KAZN: variants seen among roughly 807,000 people sequenced by gnomAD.
KAZN encodes kazrin, periplakin interacting protein.
In KAZN, 40 loss-of-function variants were observed where a neutral mutation model predicts 87.4. The observed-to-expected ratio is 0.46, with a 90% confidence interval of 0.36 to 0.60. The LOEUF is 0.60. KAZN is among the 20% of genes least tolerant of loss of function. The pLI is 0.00. For missense variants in KAZN, 898 were observed against 1,073.9 expected (o/e 0.84, Z 2.29); for synonymous variants, 466 against 458.3 (o/e 1.02, Z -0.22).
rs568493558 is a variant in KAZN, at chr1:14,978,990, C to T, written c.418+18115C>T. ...CGCAATCTCGGCTCACTGCAATCTC[C>T]ATCTCCCGGGTTCAAGAGATTCTCC... is the stretch of plus-strand genomic sequence containing the variant. On this transcript the variant is annotated intron_variant, in intron 2 of 14. Coordinates refer to ENST00000376030, the MANE Select transcript of KAZN (RefSeq NM_201628.3). Among the ~76,000 whole-genome samples, 534 of 152,056 alleles carry T rather than the reference C, an allele frequency of 3.5e-3. 4 individuals are homozygous for T. The highest frequency in any genetic ancestry group is 5.0e-3 in the Non-Finnish European group (339 of 67,982).
chr1:14,191,750 A>G (rs769699115), intron 2 of KAZN, among the ~76,000 whole-genome samples: 6 of 152,286 alleles, frequency 3.9e-5, no homozygotes, highest in East Asian at 3.9e-4. Context: ...TAGAGACTAC[A>G]TAGCCAGAAA....
intron 2 of KAZN, among the ~76,000 whole-genome samples, chr1:14,525,553 G>A (rs1204191453): frequency 9.4e-6 from 1 of 106,518 alleles, no homozygotes; most frequent in African/African-American, 3.1e-5. Flanking sequence ...TGATCCTTTT[G>A]ATTTTTTCAA....
Position 14,835,890 on chromosome 1 carries a change from A to G in KAZN, c.227-124794A>G, listed in dbSNP as rs537522645. On this transcript the variant is annotated intron_variant, in intron 1 of 14. Coordinates refer to ENST00000376030, the MANE Select transcript of KAZN (RefSeq NM_201628.3). ...AGGGGCACCAATGTGTAACACTCCAATTTTCCCTGCTGACTCATAACCCAG... is the reference window on the plus strand; with the variant it reads ...AGGGGCACCAATGTGTAACACTCCAGTTTTCCCTGCTGACTCATAACCCAG... Among the ~76,000 whole-genome samples, 4 of 151,364 alleles carry G rather than the reference A, an allele frequency of 2.6e-5. No homozygotes were observed. In the South Asian group the frequency reaches 6.3e-4, roughly 24 times the overall value.
intron 1 of KAZN, among the ~76,000 whole-genome samples, chr1:14,885,264 TC>T (rs1269733847): frequency 6.6e-6 from 1 of 151,846 alleles, no homozygotes; most frequent in East Asian, 1.9e-4. Context: ...GTGGCCCAGC[TC>T]CCCCTAGCCA....
At chr1:14,667,376 T>C (rs1639629911) in intron 1 of KAZN, among the ~76,000 whole-genome samples, 1 of 152,212 alleles carries the variant, frequency 6.6e-6, no homozygotes, top group Non-Finnish European at 1.5e-5. Flanking sequence ...GAATTTGCAC[T>C]GGGTTCCCTT....
intron 8 of KAZN, among the ~76,000 whole-genome samples, chr1:15,085,485 G>A (rs962985572): frequency 2.6e-5 from 4 of 152,190 alleles, no homozygotes; most frequent in Admixed American, 6.5e-5. Flanking sequence ...CTGCCACCAC[G>A]CCCAGCTAAT....
chr1:14,257,971 A>AG (rs1217739079), intron 2 of KAZN, among the ~76,000 whole-genome samples: 5 of 132,624 alleles, frequency 3.8e-5, no homozygotes, highest in African/African-American at 5.9e-5. Flanking sequence ...AAAAAAAAAA[A>AG]AGAGAAAAAA....
intron 2 of KAZN, among the ~76,000 whole-genome samples, chr1:14,532,041 A>T (rs1199533647): frequency 6.6e-6 from 1 of 152,044 alleles, no homozygotes; most frequent in Non-Finnish European, 1.5e-5. Flanking sequence ...CATAGAATGG[A>T]TTCCCGGCTT....
chr1:14,599,294 AC>A lies in KAZN; in HGVS notation c.226+74del. ...CGCCCGGCCTCGGAGGTGGCCGGGG[AC>A]CCGGGGTCCCCCACACCCGGGGCGA... On this transcript the variant is annotated intron_variant, in intron 1 of 14. Transcript: ENST00000376030. This position sits in a 1 kb window ranked among gnomAD's most constrained non-coding sequence, Gnocchi z 4.4. The A allele has an allele frequency of 7.9e-7, 1 of 1,270,622 alleles. No individual in the cohort carries two copies. The highest frequency in any genetic ancestry group is 3.1e-4 in the Middle Eastern group (1 of 3,266). 78.7% of individuals were successfully genotyped at this position (1,270,622 alleles called of 1,614,324 possible). A position where few individuals can be genotyped will look rare whatever the true frequency, so the allele number is the denominator to read the frequency against.
At chr1:14,628,412 A>C (rs1346360840) in intron 1 of KAZN, among the ~76,000 whole-genome samples, 1 of 152,262 alleles carries the variant, frequency 6.6e-6, no homozygotes, top group Non-Finnish European at 1.5e-5. Context: ...ATAAAGCCCA[A>C]TGTGAGAGAG....
intron 1 of KAZN, among the ~76,000 whole-genome samples, chr1:14,141,723 T>TA (rs58782968): frequency 0.084 from 12,791 of 152,100 alleles, 1,869 homozygotes; most frequent in African/African-American, 0.29. Flanking sequence ...TGAAAATAGG[T>TA]AAAAAAATCA....
chr1:14,533,321 A>G (rs1046646126), intron 2 of KAZN, among the ~76,000 whole-genome samples: 1 of 152,230 alleles, frequency 6.6e-6, no homozygotes. Context: ...CTCCATGTCT[A>G]GCAACTAGAG....
At chr1:14,427,475 A>G (rs1665796104) in intron 2 of KAZN, among the ~76,000 whole-genome samples, 3 of 152,076 alleles carry the variant, frequency 2.0e-5, no homozygotes, top group Admixed American at 2.0e-4. Flanking sequence ...CTTTTGGCCA[A>G]AAGTAAAGGA....
chr1:14,128,264 G>T (rs1644915705), intron 1 of KAZN, among the ~76,000 whole-genome samples: 1 of 151,324 alleles, frequency 6.6e-6, no homozygotes, highest in Admixed American at 6.6e-5. Flanking sequence ...CCTGAGGCTG[G>T]CATGAAGGCC....
chr1:14,847,519 C>T (rs529724198), intron 1 of KAZN, among the ~76,000 whole-genome samples: 1 of 152,290 alleles, frequency 6.6e-6, no homozygotes, highest in East Asian at 1.9e-4. Context: ...GCCTTGGGTC[C>T]GCAGTGAGCT....
At chr1:15,076,480 G>A (rs776845937) in intron 8 of KAZN, among the ~76,000 whole-genome samples, 66 of 152,286 alleles carry the variant, frequency 4.3e-4, no homozygotes, top group Non-Finnish European at 3.8e-4. Flanking sequence ...TTGAAATGGA[G>A]ATAAAACATA....
At chr1:13,947,192 C>G (rs1160549586) in intron 1 of KAZN, among the ~76,000 whole-genome samples, 1 of 152,166 alleles carries the variant, frequency 6.6e-6, no homozygotes, top group Non-Finnish European at 1.5e-5. Flanking sequence ...AACTCACGAT[C>G]ATGGCAGAAG....
chr1:14,984,331 C>G (rs1192304381), intron 2 of KAZN, among the ~76,000 whole-genome samples: 1 of 151,914 alleles, frequency 6.6e-6, no homozygotes, highest in Non-Finnish European at 1.5e-5. Flanking sequence ...GAGCTGAGAT[C>G]ATGCCACTCC....
intron 1 of KAZN, among the ~76,000 whole-genome samples, chr1:13,990,070 A>G (rs2101106924): frequency 6.6e-6 from 1 of 152,340 alleles, no homozygotes. Context: ...ACTTTTCTGA[A>G]CTCTTGACAA....
Sources: allele counts gnomAD v4.1 joint callset (sites outside exome capture counted in the v4.1 genomes callset), GRCh38; gene constraint gnomAD v4.1.1; non-coding constraint Gnocchi (gnomAD v3.1); transcripts MANE v1.5; gene names NCBI Gene and HGNC (gene_info 2026-07-23, HGNC 2026-07-21).